The following CAMK2D variants were observed in gnomAD, a reference collection of about 807,000 sequenced individuals.
CAMK2D encodes calcium/calmodulin dependent protein kinase II delta, also known as calcium/calmodulin-dependent protein kinase type II subunit delta.
A neutral mutation model predicts 84.0 loss-of-function variants in CAMK2D; 37 were observed. That is an observed-to-expected ratio of 0.44 (90% confidence interval 0.34 to 0.58). The LOEUF (loss-of-function observed/expected upper bound fraction) is 0.58. Among genes scored for constraint, CAMK2D ranks in the 20% least tolerant of loss-of-function variants. The probability of loss-of-function intolerance (pLI) is 0.02; values close to 1 mark genes in which losing one functional copy is unlikely to be tolerated. For missense variants in CAMK2D, 448 were observed against 652.5 expected, an observed-to-expected ratio of 0.69 and a Z score of 3.41; for synonymous variants, 202 against 212.5, an observed-to-expected ratio of 0.95 and a Z score of 0.43.
chr4:113,585,487 T>A (rs1323021219), intron 4 of CAMK2D, among the ~76,000 whole-genome samples: 1 of 152,156 alleles, frequency 6.6e-6, no homozygotes, highest in Non-Finnish European at 1.5e-5. Flanking sequence ...AATTCACAGA[T>A]GTTATCTGAT....
intron 2 of CAMK2D, among the ~76,000 whole-genome samples, chr4:113,719,442 A>G (rs940161843): frequency 2.0e-5 from 3 of 152,178 alleles, no homozygotes; most frequent in African/African-American, 7.2e-5. Context: ...CCATTCTACC[A>G]TGCCCTTCAG....
chr4:113,737,706 T>A (rs2099584408), intron 2 of CAMK2D, among the ~76,000 whole-genome samples: 2 of 152,198 alleles, frequency 1.3e-5, no homozygotes, highest in Non-Finnish European at 2.9e-5. Context: ...TCACTGTCCT[T>A]TATATTTTTG....
chr4:113,606,890 T>TA (rs2098980024), intron 4 of CAMK2D, among the ~76,000 whole-genome samples: 1 of 151,974 alleles, frequency 6.6e-6, no homozygotes, highest in Admixed American at 6.5e-5. Flanking sequence ...CAAAAAATTT[T>TA]AAAGCAGCCA....
intron 16 of CAMK2D, among the ~76,000 whole-genome samples, chr4:113,467,544 C>CTA (rs1405922166): frequency 6.6e-6 from 1 of 152,092 alleles, no homozygotes; most frequent in African/African-American, 2.4e-5. Flanking sequence ...TAAAAAATCA[C>CTA]TATATGGGTT....
At chr4:113,455,614 T>C in intron 20 of CAMK2D, 112 bp downstream of exon 20, 2 of 581,860 alleles carry the variant, frequency 3.4e-6, no homozygotes, top group South Asian at 5.9e-5. Context: ...ACCTTGTGCG[T>C]TTTTCATTGA....
intron 2 of CAMK2D, among the ~76,000 whole-genome samples, chr4:113,700,806 C>A (rs1593236443): frequency 6.6e-6 from 1 of 152,096 alleles, no homozygotes; most frequent in East Asian, 1.9e-4. Flanking sequence ...CTGGAGTGGG[C>A]AAAATGCCAG....
At chr4:113,466,346 C>T (rs1250806921) in intron 16 of CAMK2D, among the ~76,000 whole-genome samples, 1 of 151,824 alleles carries the variant, frequency 6.6e-6, no homozygotes, top group Non-Finnish European at 1.5e-5. Flanking sequence ...GATTAGTAAA[C>T]ATATTTCTCT....
At chr4:113,630,771 T>C (rs930300298) in intron 3 of CAMK2D, among the ~76,000 whole-genome samples, 3 of 152,164 alleles carry the variant, frequency 2.0e-5, no homozygotes, top group Non-Finnish European at 2.9e-5. Context: ...AAATGAAGTA[T>C]GGCAAACATC....
intron 3 of CAMK2D, among the ~76,000 whole-genome samples, 174 bp downstream of exon 3, chr4:113,661,539 C>T (rs1051091385): frequency 2.0e-5 from 3 of 151,972 alleles, no homozygotes; most frequent in African/African-American, 7.2e-5. Flanking sequence ...CATCAAAAAA[C>T]AAACAGCAAA....
At chr4:113,533,541 C>T (rs1187852153) in intron 7 of CAMK2D, among the ~76,000 whole-genome samples, 1 of 152,030 alleles carries the variant, frequency 6.6e-6, no homozygotes, top group Non-Finnish European at 1.5e-5. Flanking sequence ...GAATTACTGA[C>T]TGTTGGAAAT....
At chr4:113,741,338 C>T in intron 2 of CAMK2D, among the ~76,000 whole-genome samples, 1 of 152,152 alleles carries the variant, frequency 6.6e-6, no homozygotes, top group East Asian at 1.9e-4. Context: ...GAAATTCATG[C>T]AGTTTTGCTG....
At chr4:113,489,294 C>T (rs1564575244) in intron 16 of CAMK2D, among the ~76,000 whole-genome samples, 1 of 124,854 alleles carries the variant, frequency 8.0e-6, no homozygotes, top group African/African-American at 2.9e-5. Context: ...CCCCCCTCCC[C>T]CCACCCCACA....
chr4:113,503,068 C>T, intron 14 of CAMK2D, 91 bp from the exon 15 acceptor site: 1 of 903,208 alleles, frequency 1.1e-6, no homozygotes, highest in South Asian at 1.3e-5. Flanking sequence ...AGCCAGCTGA[C>T]AAAATGAAAT....
intron 4 of CAMK2D, among the ~76,000 whole-genome samples, chr4:113,563,101 A>G (rs2098706135): frequency 6.6e-6 from 1 of 152,058 alleles, no homozygotes; most frequent in Admixed American, 6.6e-5. Context: ...TAAAAATACA[A>G]AAGTTAGCTG....
intron 16 of CAMK2D, among the ~76,000 whole-genome samples, chr4:113,494,427 G>A (rs1255858194): frequency 6.6e-6 from 1 of 152,120 alleles, no homozygotes; most frequent in African/African-American, 2.4e-5. Flanking sequence ...CCCCTGCTGG[G>A]GGGTGCCTCC....
intron 6 of CAMK2D, among the ~76,000 whole-genome samples, chr4:113,544,088 T>C (rs1297684201): frequency 6.6e-6 from 1 of 152,178 alleles, no homozygotes; most frequent in African/African-American, 2.4e-5. Flanking sequence ...ACTAATTAAA[T>C]GTGGCAAATG....
intron 3 of CAMK2D, among the ~76,000 whole-genome samples, chr4:113,639,024 C>T (rs984851053): frequency 6.6e-6 from 1 of 151,550 alleles, no homozygotes; most frequent in Non-Finnish European, 1.5e-5. Flanking sequence ...GGGAAGATCA[C>T]CTGAGGCCTG....
chr4:113,462,236 A>C (rs2097385895), intron 17 of CAMK2D, among the ~76,000 whole-genome samples: 1 of 151,742 alleles, frequency 6.6e-6, no homozygotes, highest in Non-Finnish European at 1.5e-5. Context: ...CTTCTTACCC[A>C]GCCATGAAAA....
intron 3 of CAMK2D, among the ~76,000 whole-genome samples, chr4:113,630,554 C>A (rs2099085453): frequency 6.6e-6 from 1 of 152,108 alleles, no homozygotes; most frequent in Non-Finnish European, 1.5e-5. Flanking sequence ...TCAGAACTAG[C>A]CTGATGGAAA....
Sources: allele counts gnomAD v4.1 joint callset (sites outside exome capture counted in the v4.1 genomes callset), GRCh38; gene constraint gnomAD v4.1.1; transcripts MANE v1.5; gene names NCBI Gene and HGNC (gene_info 2026-07-23, HGNC 2026-07-21).